Variants in TTLL12 observed in about 807,000 individuals in gnomAD.
TTLL12 encodes the protein tubulin--tyrosine ligase-like protein 12.
Under a neutral mutation model 79.6 loss-of-function variants are expected in TTLL12, and 77 were observed. The ratio of observed to expected loss-of-function variants is 0.97; its 90% CI spans 0.81 to 1.17. TTLL12 has a LOEUF of 1.17. Among genes scored for constraint, TTLL12 ranks in the 50% most tolerant of loss-of-function variants. The probability of loss-of-function intolerance (pLI) is 0.00; values close to 1 mark genes in which losing one functional copy is unlikely to be tolerated. For missense variants in TTLL12, 969 were observed against 895.9 expected, an observed-to-expected ratio of 1.08 and a Z score of -1.04; for synonymous variants, 437 against 376.1, an observed-to-expected ratio of 1.16 and a Z score of -1.87.
Position 43,174,256 on chromosome 22 carries a change from G to A in TTLL12, c.1182C>T (p.Arg394=). The change falls in exon 8 of 14, where the codon CGC becomes CGT. Residue 394 remains arginine (R), a synonymous_variant. Coordinates refer to ENST00000216129, the MANE Select transcript of TTLL12 (RefSeq NM_015140.4). ...PPWLPRTFNL[R]TELPQFVSYF... Reference sequence around the variant, plus strand: ...AGCTGACAAACTGGGGCAGCTCAGTGCGCAGGTTGAAGGTTCGGGGCAGCC... The same window carrying A: ...AGCTGACAAACTGGGGCAGCTCAGTACGCAGGTTGAAGGTTCGGGGCAGCC... The A allele has an allele frequency of 6.2e-7, 1 of 1,609,472 alleles. No individual in the cohort carries two copies. Among genetic ancestry groups the A allele is most frequent in the Non-Finnish European group, 8.5e-7 (1 of 1,179,876 alleles).
At chr22:43,168,676 G>A in intron 13 of TTLL12, 98 bp downstream of exon 13, 2 of 1,492,566 alleles carry the variant, frequency 1.3e-6, no homozygotes, top group Admixed American at 2.0e-5. Flanking sequence ...TCAAGCCAGA[G>A]GACAGCCTGG....
chr22:43,179,612 G>A lies in TTLL12; in HGVS notation c.840+7C>T. The A allele has an allele frequency of 1.9e-6, 3 of 1,571,314 alleles. No homozygotes were observed. Among genetic ancestry groups the A allele is most frequent in the Non-Finnish European group, 2.6e-6 (3 of 1,160,312 alleles). ...AGACAGGCCTGGTGGGTGGAGGAGG[G>A]CTGCACCTGGTAGTGCTCGGCGGGC... On this transcript the variant is annotated splice_region_variant and intron_variant, in intron 5 of 13. Coordinates refer to ENST00000216129, the MANE Select transcript of TTLL12 (RefSeq NM_015140.4).
In TTLL12 at chr22:43,178,582, A is replaced by G. The variant is rs550845409; in HGVS notation, c.840+1037T>C. Among the ~76,000 whole-genome samples, 15 of 152,072 alleles carry G rather than the reference A, an allele frequency of 9.9e-5. 1 individual carries two copies. The highest frequency in any genetic ancestry group is 3.6e-4 in the African/African-American group (15 of 41,474). ...GTGATCCGCCCGCCTCAGCCTCCCA[A>G]AGTGCTGGGATTACAGGCATGAGCC... On this transcript the variant is annotated intron_variant, in intron 5 of 13. Transcript: ENST00000216129.
At chr22:43,185,231 T>G (rs866957141) in intron 1 of TTLL12, among the ~76,000 whole-genome samples, 2 of 118,902 alleles carry the variant, frequency 1.7e-5, no homozygotes, top group Non-Finnish European at 3.4e-5. Context: ...CCGTCTCAAT[T>G]AAAAAAAGAA....
Position 43,167,010 on chromosome 22 carries a change from ACTC to A in TTLL12, c.*995_*997del. 6.0e-6 allele frequency: 2 copies of A among 330,994 alleles called. No individual in the cohort carries two copies. Among genetic ancestry groups the A allele is most frequent in the South Asian group, 4.9e-5 (2 of 40,634 alleles). 20.5% of individuals were successfully genotyped at this position (330,994 alleles called of 1,614,324 possible). ...AGCCACACAAAAACGCTGGCAGCTGACTCCTAATTTCAGAAACACAATTAGAAA... is the reference window on the plus strand; with the variant it reads ...AGCCACACAAAAACGCTGGCAGCTGACTAATTTCAGAAACACAATTAGAAA... On this transcript the variant is annotated 3_prime_UTR_variant, in exon 14 of 14. Coordinates refer to ENST00000216129, the MANE Select transcript of TTLL12 (RefSeq NM_015140.4).
chr22:43,171,221 G>A (rs1931755900), intron 11 of TTLL12, among the ~76,000 whole-genome samples: 1 of 152,200 alleles, frequency 6.6e-6, no homozygotes, highest in Non-Finnish European at 1.5e-5. Flanking sequence ...TGTGCAGGCT[G>A]TGCCTACCTG....
In TTLL12 at chr22:43,173,700, G is replaced by A. The variant is rs748884574; in HGVS notation, c.1341+15C>T. On this transcript the variant is annotated intron_variant, in intron 9 of 13. Coordinates refer to ENST00000216129, the MANE Select transcript of TTLL12 (RefSeq NM_015140.4). ...AGGGCCCTGAGCCCTGGGGCTCCTG[G>A]TCTGCGGGGCCCACCTTGGGGGTGC... is the stretch of plus-strand genomic sequence containing the variant. The A allele has an allele frequency of 4.6e-5, 74 of 1,597,872 alleles. No individual in the cohort carries two copies. The highest frequency in any genetic ancestry group is 6.7e-5 in the Admixed American group (4 of 59,334).
chr22:43,182,912 C>A, intron 2 of TTLL12, 68 bp downstream of exon 2: 1 of 1,560,602 alleles, frequency 6.4e-7, no homozygotes, highest in Non-Finnish European at 8.7e-7. Context: ...CCAGGAGAAT[C>A]TGCATTACTG....
At chr22:43,171,731 G>C in intron 11 of TTLL12, 88 bp downstream of exon 11, 3 of 1,134,696 alleles carry the variant, frequency 2.6e-6, no homozygotes, top group Admixed American at 3.5e-5. Flanking sequence ...CTGTGTGCCA[G>C]TCCTCCTAGG....
At chr22:43,168,214 G>A in intron 13 of TTLL12, 55 bp from the exon 14 acceptor site, 1 of 1,585,802 alleles carries the variant, frequency 6.3e-7, no homozygotes, top group Non-Finnish European at 8.6e-7. Flanking sequence ...CACTCTGCAG[G>A]GACAGTGGCC....
intron 1 of TTLL12, 44 bp from the exon 2 acceptor site, chr22:43,183,193 C>G (rs1207034403): frequency 6.2e-7 from 1 of 1,607,124 alleles, no homozygotes; most frequent in South Asian, 1.1e-5. Context: ...GGCAGGAGAC[C>G]CCACCCCAAT....
chr22:43,168,786 T>C lies in TTLL12; in HGVS notation c.1771A>G (p.Asn591Asp), dbSNP rs1931684570. 6.4e-7 allele frequency: 1 copy of C among 1,562,450 alleles called. No individual in the cohort carries two copies. Among genetic ancestry groups the C allele is most frequent in the East Asian group, 2.4e-5 (1 of 41,742 alleles). The change falls in exon 13 of 14, where the codon AAC (asparagine) becomes GAC (aspartate). Residue 591 changes from asparagine (N) to aspartate (D), a missense_variant. Physicochemically the swap from Asn to Asp is conservative, Grantham distance 23 (BLOSUM62 1). Coordinates refer to ENST00000216129, the MANE Select transcript of TTLL12 (RefSeq NM_015140.4). ...GAGCCCCTCTTACCATCTGGGCCGT[T>C]GTCCCACTTCAGCATGAGGTCGACG... Reference protein sequence around the residue: ...YAVDLMLKWDNGPDGRRVMQP... With the variant: ...YAVDLMLKWDDGPDGRRVMQP...
At chr22:43,181,222 A>G (rs906445472) in intron 2 of TTLL12, among the ~76,000 whole-genome samples, 13 of 152,214 alleles carry the variant, frequency 8.5e-5, no homozygotes, top group African/African-American at 2.4e-4. Flanking sequence ...TGGCTGTCAC[A>G]AGCAGCAAAT....
At chr22:43,185,247 TTATATATATATATATATATATATATA>T (rs3985927) in intron 1 of TTLL12, among the ~76,000 whole-genome samples, 11,717 of 115,662 alleles carry the variant, frequency 0.1, 871 homozygotes, top group Non-Finnish European at 0.12. Flanking sequence ...AAGAAAAAAA[TTATATATATATATATATATATATATA>T]TATATATATA....
chr22:43,168,783 C>T lies in TTLL12; in HGVS notation c.1774G>A (p.Gly592Ser), dbSNP rs367694491. Residue 592 changes from glycine (G) to serine (S), a missense_variant, in exon 13 of 14, where the codon GGC (glycine) becomes AGC (serine). Gly to Ser is a moderately conservative substitution (Grantham distance 56). Coordinates refer to ENST00000216129, the MANE Select transcript of TTLL12 (RefSeq NM_015140.4). ...AVDLMLKWDN[G>S]PDGRRVMQPQ... Reference sequence around the variant, plus strand: ...GGGGAGCCCCTCTTACCATCTGGGCCGTTGTCCCACTTCAGCATGAGGTCG... The same window carrying T: ...GGGGAGCCCCTCTTACCATCTGGGCTGTTGTCCCACTTCAGCATGAGGTCG... The T allele has an allele frequency of 1.1e-4, 172 of 1,559,790 alleles. No individual in the cohort carries two copies. Among genetic ancestry groups the T allele is most frequent in the Non-Finnish European group, 1.4e-4 (161 of 1,152,556 alleles).
chr22:43,178,271 G>A (rs1931964561), intron 5 of TTLL12, among the ~76,000 whole-genome samples: 1 of 134,968 alleles, frequency 7.4e-6, no homozygotes, highest in African/African-American at 2.7e-5. Context: ...GCCCACCCCT[G>A]CAATCAGCAG....
chr22:43,186,381 A>T (rs893519783), intron 1 of TTLL12, among the ~76,000 whole-genome samples: 16 of 152,104 alleles, frequency 1.1e-4, no homozygotes, highest in African/African-American at 3.9e-4. Flanking sequence ...TTTTCTTTAG[A>T]TTTCTCCTCC....
Position 43,167,456 on chromosome 22 carries a change from T to C in TTLL12, c.*552A>G, listed in dbSNP as rs1931644866. 2.9e-5 allele frequency: 8 copies of C among 278,072 alleles called. No individual in the cohort carries two copies. Among genetic ancestry groups the C allele is most frequent in the South Asian group, 2.0e-4 (6 of 29,650 alleles). The allele number at this position is 278,072 out of a possible 1,614,324, so 17.2% of individuals were successfully genotyped here. A position where few individuals can be genotyped will look rare whatever the true frequency, so the allele number is the denominator to read the frequency against. ...CTTGCTGGGTGGTGGCCTCAGGCTG[T>C]TCCTGGGCCCCTGTCGCATAGAGCC... On this transcript the variant is annotated 3_prime_UTR_variant, in exon 14 of 14. Coordinates refer to ENST00000216129, the MANE Select transcript of TTLL12 (RefSeq NM_015140.4).
At chr22:43,172,654 T>G in intron 9 of TTLL12, 100 bp from the exon 10 acceptor site, 1 of 1,329,444 alleles carries the variant, frequency 7.5e-7, no homozygotes. Context: ...TGGCTGCACT[T>G]TACTCCTCCT....
Sources: gnomAD v4.1 joint callset for allele counts (sites outside exome capture counted in the v4.1 genomes callset) on GRCh38, gnomAD v4.1.1 for gene constraint, MANE v1.5 for transcripts, NCBI Gene and HGNC (gene_info 2026-07-23, HGNC 2026-07-21) for gene names.